SRGAP2C: variants seen among roughly 807,000 people sequenced by gnomAD.
SRGAP2C encodes the protein SLIT-ROBO Rho GTPase-activating protein 2C.
In SRGAP2C, 15 loss-of-function variants were observed where a neutral mutation model predicts 25.1. The observed-to-expected ratio is 0.60, with a 90% CI of 0.40 to 0.92. The LOEUF is 0.92. SRGAP2C is among the 40% of genes least tolerant of loss of function. The pLI is 0.00. For synonymous variants in SRGAP2C, 44 were observed against 96.6 expected, an observed-to-expected ratio of 0.46 and a Z score of 3.19; for missense variants, 144 against 264.4, an observed-to-expected ratio of 0.54 and a Z score of 3.16.
At chr1:121,295,933 G>A (rs1158343886) in intron 3 of SRGAP2C, among the ~76,000 whole-genome samples, 1 of 152,032 alleles carries the variant, frequency 6.6e-6, no homozygotes, top group Non-Finnish European at 1.5e-5. Context: ...GGCTAATTTT[G>A]TATTTTTAGT....
chr1:121,306,887 G>A (rs1458833990), intron 3 of SRGAP2C, among the ~76,000 whole-genome samples: 1 of 151,968 alleles, frequency 6.6e-6, no homozygotes, highest in Non-Finnish European at 1.5e-5. Context: ...CACATAAATA[G>A]CTGAGAACAA....
In SRGAP2C at chr1:121,316,293, G is replaced by C. The variant is rs1553340600; in HGVS notation, c.261-8185G>C. Reference sequence around the variant, plus strand: ...TGCCAGAGAGATGCTTGCTCTTAAGGGGGTGGTTACTGCTTTGAAAAGTGT... The same window carrying C: ...TGCCAGAGAGATGCTTGCTCTTAAGCGGGTGGTTACTGCTTTGAAAAGTGT... On this transcript the variant is annotated intron_variant, in intron 3 of 9. Coordinates refer to ENST00000367123, the MANE Select transcript of SRGAP2C (RefSeq NM_001329984.2). Among the ~76,000 whole-genome samples, 7 of 65,404 alleles carry C rather than the reference G, an allele frequency of 1.1e-4. 2 individuals are homozygous for C. Among genetic ancestry groups the C allele is most frequent in the Non-Finnish European group, 1.5e-4 (5 of 32,644 alleles). 42.9% of individuals were successfully genotyped at this position (65,404 alleles called of 152,430 possible).
intron 2 of SRGAP2C, among the ~76,000 whole-genome samples, chr1:121,250,725 C>T (rs1243249333): frequency 1.0e-5 from 1 of 96,038 alleles, no homozygotes; most frequent in Non-Finnish European, 2.1e-5. Context: ...AACAAGAGTG[C>T]ATCCTATATG....
intron 2 of SRGAP2C, among the ~76,000 whole-genome samples, chr1:121,260,229 C>T (rs1656592327): frequency 1.3e-5 from 2 of 150,340 alleles, no homozygotes; most frequent in East Asian, 2.0e-4. Context: ...GAATAGGTCA[C>T]ATTTGTGCAA....
chr1:121,210,317 TAA>T lies in SRGAP2C; in HGVS notation c.67+22818_67+22819del, dbSNP rs199765258. 3.8e-3 allele frequency among the ~76,000 whole-genome samples: 526 copies of T among 139,612 alleles called. 2 individuals are homozygous for T. The highest frequency in any genetic ancestry group is 8.6e-3 in the African/African-American group (315 of 36,726). 91.6% of individuals were successfully genotyped at this position (139,612 alleles called of 152,430 possible). A position where few individuals can be genotyped will look rare whatever the true frequency, so the allele number is the denominator to read the frequency against. ...TAGCAGGGTAATTCCATCAGCGCTT[TAA>T]AAAAAAAAAAAAAGATTACATTCCT... On this transcript the variant is annotated intron_variant, in intron 2 of 9. Coordinates refer to ENST00000367123, the MANE Select transcript of SRGAP2C (RefSeq NM_001329984.2).
At chr1:121,260,347 AG>A (rs1300539623) in intron 2 of SRGAP2C, among the ~76,000 whole-genome samples, 1 of 151,950 alleles carries the variant, frequency 6.6e-6, no homozygotes, top group Non-Finnish European at 1.5e-5. Context: ...CTAAGGCTCA[AG>A]TGTGCTTGGT....
At chr1:121,272,808 T>C (rs1657007279) in intron 2 of SRGAP2C, among the ~76,000 whole-genome samples, 1 of 151,798 alleles carries the variant, frequency 6.6e-6, no homozygotes, top group African/African-American at 2.4e-5. Context: ...AACTGATCTC[T>C]CTGAACCTCA....
At chr1:121,380,907 C>CT (rs1172150399) in intron 7 of SRGAP2C, among the ~76,000 whole-genome samples, 2 of 132,842 alleles carry the variant, frequency 1.5e-5, no homozygotes, top group East Asian at 4.9e-4. Context: ...TGAAGGGTAA[C>CT]TTTTCTCTCC....
chr1:121,258,444 C>A (rs1159244899), intron 2 of SRGAP2C, among the ~76,000 whole-genome samples: 1 of 144,788 alleles, frequency 6.9e-6, no homozygotes, highest in Non-Finnish European at 1.5e-5. Context: ...AGGATACATC[C>A]CCAAATGGTC....
At chr1:121,185,230 C>G (rs1247845271) in intron 1 of SRGAP2C, 106 bp downstream of exon 1, 2 of 481,620 alleles carry the variant, frequency 4.2e-6, no homozygotes, top group East Asian at 3.7e-5. Flanking sequence ...GGATGCTGCT[C>G]GCGGCATCGC....
intron 2 of SRGAP2C, among the ~76,000 whole-genome samples, chr1:121,208,149 T>C (rs1553322844): frequency 6.6e-6 from 1 of 152,184 alleles, no homozygotes; most frequent in Non-Finnish European, 1.5e-5. Context: ...CAAACAAATA[T>C]ATATTAAGAT....
intron 2 of SRGAP2C, among the ~76,000 whole-genome samples, chr1:121,222,049 G>T (rs1452115102): frequency 6.6e-6 from 1 of 151,856 alleles, no homozygotes; most frequent in Non-Finnish European, 1.5e-5. Flanking sequence ...AAGTCATCCA[G>T]CACTCACAAA....
At position 121,298,177 on chromosome 1, in the gene SRGAP2C, G is replaced by A. The variant is rs1340484128; in HGVS notation, c.260+13182G>A. 2.8e-5 allele frequency among the ~76,000 whole-genome samples: 4 copies of A among 144,700 alleles called. No homozygotes were observed. The East Asian group carries it at 6.6e-4, about 24-fold the overall frequency. 94.9% of individuals were successfully genotyped at this position (144,700 alleles called of 152,430 possible). On this transcript the variant is annotated intron_variant, in intron 3 of 9. Coordinates refer to ENST00000367123, the MANE Select transcript of SRGAP2C (RefSeq NM_001329984.2). ...CATGGTCAGTCCCTATAAAAACTCA[G>A]CAATTGTATGTTTTGTTCTGTAAGG...
intron 4 of SRGAP2C, among the ~76,000 whole-genome samples, chr1:121,347,763 C>T (rs1658785289): frequency 6.6e-6 from 1 of 152,026 alleles, no homozygotes; most frequent in Non-Finnish European, 1.5e-5. Context: ...CCCTGTAGCG[C>T]CTGTGGAGAA....
chr1:121,335,529 A>G (rs1175833566), intron 4 of SRGAP2C, among the ~76,000 whole-genome samples: 1 of 134,266 alleles, frequency 7.4e-6, no homozygotes, highest in Non-Finnish European at 1.6e-5. Context: ...TGGTGTGATC[A>G]TAGCTCACCG....
intron 2 of SRGAP2C, among the ~76,000 whole-genome samples, chr1:121,193,667 C>A (rs113926357): frequency 1.0e-4 from 2 of 19,718 alleles, no homozygotes; most frequent in Admixed American, 6.1e-4. Context: ...GTTCTTTTTT[C>A]TTTTTTTTTT....
chr1:121,192,030 C>A (rs1353947660), intron 2 of SRGAP2C, among the ~76,000 whole-genome samples: 1 of 151,250 alleles, frequency 6.6e-6, no homozygotes, highest in Non-Finnish European at 1.5e-5. Flanking sequence ...CAGTTTAACC[C>A]TTTCAGGACC....
intron 2 of SRGAP2C, among the ~76,000 whole-genome samples, chr1:121,212,382 G>A (rs587650698): frequency 4.1e-4 from 62 of 152,028 alleles, no homozygotes; most frequent in Admixed American, 7.2e-4. Flanking sequence ...TGCTTGCCTC[G>A]GCCTCTCAGA....
chr1:121,382,232 T>TA (rs1659836186), intron 7 of SRGAP2C, among the ~76,000 whole-genome samples: 1 of 145,910 alleles, frequency 6.9e-6, no homozygotes, highest in African/African-American at 2.6e-5. Flanking sequence ...TTGCATACAT[T>TA]AGCTGCTGTT....
Sources: gnomAD v4.1 joint callset for allele counts (sites outside exome capture counted in the v4.1 genomes callset) on GRCh38, gnomAD v4.1.1 for gene constraint, MANE v1.5 for transcripts, NCBI Gene and HGNC (gene_info 2026-07-23, HGNC 2026-07-21) for gene names.